Variants in MAPT observed in about 807,000 individuals in gnomAD.
The protein encoded by MAPT is microtubule associated protein tau.
In MAPT, 34 loss-of-function variants were observed where a neutral mutation model predicts 67.9. That is an observed-to-expected ratio of 0.50 (90% CI 0.38 to 0.67). The LOEUF is 0.67. Ranked by LOEUF, MAPT falls within the 30% of genes least tolerant of loss-of-function variation. The pLI, the probability that MAPT is intolerant of heterozygous loss-of-function variation, is 0.00. For synonymous variants in MAPT, 456 were observed against 464.5 expected (o/e 0.98, Z 0.23); for missense variants, 881 against 1,115.2 (o/e 0.79, Z 2.99).
At chr17:45,903,842 T>TTATATATTATATATTATATATA (rs2063815432) in intron 1 of MAPT, among the ~76,000 whole-genome samples, 1 of 36,350 alleles carries the variant, frequency 2.8e-5, no homozygotes, top group African/African-American at 8.6e-5. Flanking sequence ...TTATATATTT[T>TTATATATTATATATTATATATA]ATATATTATA....
intron 9 of MAPT, among the ~76,000 whole-genome samples, chr17:45,997,944 C>T (rs562054255): frequency 6.6e-6 from 1 of 152,210 alleles, no homozygotes; most frequent in Admixed American, 6.5e-5. Flanking sequence ...CACAATTCAG[C>T]CCAGGACCCC....
At chr17:45,979,585 A>G (rs1352914557) in intron 4 of MAPT, 2 of 152,250 alleles carry the variant, frequency 1.3e-5, no homozygotes, top group Non-Finnish European at 2.9e-5. Flanking sequence ...TTCTCAGGCT[A>G]ACAAAGAGCT....
chr17:45,958,461 TG>T (rs1416527569), intron 1 of MAPT, among the ~76,000 whole-genome samples: 3 of 152,224 alleles, frequency 2.0e-5, no homozygotes, highest in Non-Finnish European at 4.4e-5. Context: ...GGCTCATGCC[TG>T]TAATCCCAGC....
At position 45,896,667 on chromosome 17, in the gene MAPT, T is replaced by A. The variant is rs2063257676; in HGVS notation, c.-18+1981T>A. On this transcript the variant is annotated intron_variant, in intron 1 of 12. Transcript: ENST00000262410. This position sits in a 1 kb window ranked among gnomAD's most constrained non-coding sequence, Gnocchi z 5.6. ...AGCCCCGAACCCCCGCGCCTGAGGCTGTTTCTGATTGGCCCCTGGAGGCCG... is the reference window on the plus strand; with the variant it reads ...AGCCCCGAACCCCCGCGCCTGAGGCAGTTTCTGATTGGCCCCTGGAGGCCG... 1 of 152,350 alleles carries A rather than the reference T, an allele frequency of 6.6e-6. No individual in the cohort carries two copies. Among genetic ancestry groups the A allele is most frequent in the South Asian group, 2.1e-4 (1 of 4,836 alleles). The allele number at this position is 152,350 out of a possible 1,614,324, so 9.4% of individuals were successfully genotyped here. A position where few individuals can be genotyped will look rare whatever the true frequency, so the allele number is the denominator to read the frequency against.
At chr17:45,947,898 A>G (rs2068664433) in intron 1 of MAPT, among the ~76,000 whole-genome samples, 1 of 152,172 alleles carries the variant, frequency 6.6e-6, no homozygotes, top group Non-Finnish European at 1.5e-5. Context: ...AAATAAATCA[A>G]AATAGCATGG....
intron 1 of MAPT, among the ~76,000 whole-genome samples, chr17:45,903,868 ATATTATATAT>A (rs1350322717): frequency 3.7e-4 from 17 of 46,198 alleles, no homozygotes; most frequent in African/African-American, 1.4e-3. Flanking sequence ...TATATATTAT[ATATTATATAT>A]TTATATATTT....
chr17:45,916,030 C>T (rs1334374480), intron 1 of MAPT, among the ~76,000 whole-genome samples: 4 of 152,188 alleles, frequency 2.6e-5, no homozygotes, highest in Non-Finnish European at 5.9e-5. Flanking sequence ...GATTCACACC[C>T]TGCCCACAGT....
intron 1 of MAPT, among the ~76,000 whole-genome samples, chr17:45,911,490 G>C (rs2064786915): frequency 6.6e-6 from 1 of 152,158 alleles, no homozygotes; most frequent in Non-Finnish European, 1.5e-5. Flanking sequence ...GCCAGGTGCA[G>C]TGGCTCACGC....
At chr17:45,955,299 C>T (rs1183777395) in intron 1 of MAPT, among the ~76,000 whole-genome samples, 1 of 152,184 alleles carries the variant, frequency 6.6e-6, no homozygotes, top group African/African-American at 2.4e-5. Flanking sequence ...GATTTTGAAG[C>T]CCAGTCTAGT....
At position 45,896,591 on chromosome 17, in the gene MAPT, C is replaced by G. The variant is rs890060484; in HGVS notation, c.-18+1905C>G. On this transcript the variant is annotated intron_variant, in intron 1 of 12. Transcript: ENST00000262410. The surrounding 1 kb of genome is among the most constrained non-coding windows in gnomAD (Gnocchi z 5.6). ...CCCTTCCCTGCGGAGATTGGGGACC[C>G]TGGGGTAGGGGGAGCCGCGCCCAGT... The G allele has an allele frequency of 6.6e-6, 1 of 152,168 alleles. No individual in the cohort carries two copies. Among genetic ancestry groups the G allele is most frequent in the Non-Finnish European group, 1.5e-5 (1 of 68,040 alleles). 9.4% of individuals were successfully genotyped at this position (152,168 alleles called of 1,614,324 possible).
At chr17:45,997,806 C>T (rs1169104394) in intron 9 of MAPT, among the ~76,000 whole-genome samples, 1 of 152,072 alleles carries the variant, frequency 6.6e-6, no homozygotes, top group Non-Finnish European at 1.5e-5. Flanking sequence ...GCTTAGGGCC[C>T]AGCCTGATGA....
intron 8 of MAPT, among the ~76,000 whole-genome samples, chr17:45,992,763 C>T (rs1055559135): frequency 2.0e-5 from 3 of 151,966 alleles, no homozygotes; most frequent in South Asian, 2.1e-4. Context: ...TGGTGGCGGG[C>T]GCCTGTAATC....
chr17:45,965,416 T>C (rs76281607), intron 2 of MAPT, among the ~76,000 whole-genome samples: 120,866 of 150,678 alleles, frequency 0.8, 48,561 homozygotes, highest in Non-Finnish European at 0.82. Flanking sequence ...GGTGACAGAG[T>C]GAGACTCCGT....
intron 1 of MAPT, among the ~76,000 whole-genome samples, chr17:45,946,923 AAGC>A (rs2068569573): frequency 1.3e-5 from 2 of 152,042 alleles, no homozygotes; most frequent in Admixed American, 6.5e-5. Context: ...TCCTCCCAAA[AAGC>A]AGCCTTCATC....
In MAPT at chr17:45,963,758, G is replaced by A. The variant is rs1014319249; in HGVS notation, c.133+1288G>A. 2.0e-5 allele frequency among the ~76,000 whole-genome samples: 3 copies of A among 152,154 alleles called. No homozygotes were observed. The South Asian group carries it at 6.2e-4, about 32-fold the overall frequency. ...GCTGGAGTGGGTGGGGTCTCTGGGA[G>A]GTCCCCTGAGTGTGGGAAGCTGGGA... On this transcript the variant is annotated intron_variant, in intron 2 of 12. Transcript: ENST00000262410.
At chr17:45,962,592 G>A in intron 2 of MAPT, 122 bp downstream of exon 2, 7 of 1,317,544 alleles carry the variant, frequency 5.3e-6, no homozygotes, top group Non-Finnish European at 6.4e-6. Flanking sequence ...TGTCAGTAAA[G>A]TAAAGCCTCA....
At chr17:45,927,780 C>T (rs144398443) in intron 1 of MAPT, among the ~76,000 whole-genome samples, 3,284 of 152,016 alleles carry the variant, frequency 0.022, 136 homozygotes, top group African/African-American at 0.075. Context: ...GTGGGTGGAT[C>T]ACAAGGTCAG....
At chr17:45,979,201 G>A (rs1042747050) in intron 4 of MAPT, 3 of 152,136 alleles carry the variant, frequency 2.0e-5, no homozygotes, top group African/African-American at 7.2e-5. Context: ...GCAGCTTTGT[G>A]TAATCATTTA....
intron 1 of MAPT, among the ~76,000 whole-genome samples, chr17:45,917,397 A>G (rs66660193): frequency 0.11 from 16,551 of 152,208 alleles, 983 homozygotes; most frequent in Admixed American, 0.18. Flanking sequence ...AACAGCAAAC[A>G]TGCATCTCTT....
Sources: allele counts gnomAD v4.1 joint callset (sites outside exome capture counted in the v4.1 genomes callset), GRCh38; gene constraint gnomAD v4.1.1; non-coding constraint Gnocchi (gnomAD v3.1); transcripts MANE v1.5; gene names NCBI Gene and HGNC (gene_info 2026-07-23, HGNC 2026-07-21).